TSPAN5: variants seen among roughly 807,000 people sequenced by gnomAD.
TSPAN5 encodes the protein tetraspanin 5.
In TSPAN5, 10 loss-of-function variants were observed where a neutral mutation model predicts 37.1. The observed-to-expected ratio is 0.27, with a 90% CI of 0.17 to 0.46. The LOEUF is 0.46. Ranked by LOEUF, TSPAN5 falls within the 20% of genes least tolerant of loss-of-function variation. The probability of loss-of-function intolerance (pLI) is 1.00; values close to 1 mark genes in which losing one functional copy is unlikely to be tolerated. For synonymous variants in TSPAN5, 110 were observed against 118.9 expected (o/e 0.93, Z 0.48); for missense variants, 195 against 326.6 (o/e 0.60, Z 3.11).
At chr4:98,631,936 G>A (rs187969663) in intron 1 of TSPAN5, among the ~76,000 whole-genome samples, 202 of 152,226 alleles carry the variant, frequency 1.3e-3, no homozygotes, top group Non-Finnish European at 1.6e-3. Context: ...CCCTGGCACC[G>A]TGCACACTAC....
Position 98,658,289 on chromosome 4 carries a change from C to T in TSPAN5, c.-63G>A. 1 of 1,361,368 alleles carries T rather than the reference C, an allele frequency of 7.3e-7. No homozygotes were observed. Among genetic ancestry groups the T allele is most frequent in the Non-Finnish European group, 1.1e-6 (1 of 949,826 alleles). The allele number at this position is 1,361,368 out of a possible 1,614,324, so 84.3% of individuals were successfully genotyped here. On this transcript the variant is annotated 5_prime_UTR_variant, in exon 1 of 8. Coordinates refer to ENST00000305798, the MANE Select transcript of TSPAN5 (RefSeq NM_005723.4). ...AGTTTGGAGCTCCGAAGCACCGTTG[C>T]TCGGAGCAGCCCGGCGGGGAGCAGG...
intron 1 of TSPAN5, among the ~76,000 whole-genome samples, chr4:98,577,571 C>T (rs570829846): frequency 6.6e-6 from 1 of 152,334 alleles, no homozygotes; most frequent in South Asian, 2.1e-4. Flanking sequence ...TGGACCTGTA[C>T]TGTATCAATT....
intron 1 of TSPAN5, among the ~76,000 whole-genome samples, chr4:98,599,162 A>T (rs1271951605): frequency 1.3e-5 from 2 of 152,128 alleles, no homozygotes; most frequent in Non-Finnish European, 2.9e-5. Context: ...GTTTTTAGAG[A>T]CAGGGTCTCA....
chr4:98,478,948 GAACCTAAATGGCCC>G (rs1237666798), intron 4 of TSPAN5, 138 bp from the exon 5 acceptor site: 1 of 1,018,956 alleles, frequency 9.8e-7, no homozygotes, highest in African/African-American at 1.6e-5. Flanking sequence ...AAGCCAAACT[GAACCTAAATGGCCC>G]ATATAAAATC....
At chr4:98,567,019 G>A (rs1202891863) in intron 1 of TSPAN5, among the ~76,000 whole-genome samples, 2 of 152,254 alleles carry the variant, frequency 1.3e-5, no homozygotes, top group Non-Finnish European at 2.9e-5. Context: ...AGGCTCCCGA[G>A]TAGTGCAGCT....
intron 7 of TSPAN5, among the ~76,000 whole-genome samples, chr4:98,475,973 G>C (rs1399624751): frequency 1.3e-5 from 2 of 151,924 alleles, no homozygotes; most frequent in African/African-American, 4.8e-5. Flanking sequence ...CTGGGCGACA[G>C]AGCAAGACTC....
At position 98,578,919 on chromosome 4, in the gene TSPAN5, A is replaced by T. The variant is rs1350991719; in HGVS notation, c.82-71191T>A. On this transcript the variant is annotated intron_variant, in intron 1 of 7. Transcript: ENST00000305798. ...CACCTCCCACTACACATGCCAACTG[A>T]AAGCTTCTATAGGGTAACAATGATC... 2.6e-5 allele frequency among the ~76,000 whole-genome samples: 4 copies of T among 152,254 alleles called. No homozygotes were observed. In the East Asian group the frequency reaches 7.7e-4, roughly 29 times the overall value.
intron 1 of TSPAN5, among the ~76,000 whole-genome samples, chr4:98,648,230 GA>G (rs1460887465): frequency 1.3e-5 from 2 of 152,224 alleles, no homozygotes; most frequent in Admixed American, 1.3e-4. Flanking sequence ...CTGTCATGCA[GA>G]CCTTGACGCA....
intron 1 of TSPAN5, among the ~76,000 whole-genome samples, chr4:98,590,462 G>C (rs1755597281): frequency 2.0e-5 from 3 of 152,154 alleles, no homozygotes; most frequent in African/African-American, 7.2e-5. Context: ...TGTAATCCCA[G>C]CACTTTGGGA....
chr4:98,476,849 C>T (rs1752713411), intron 5 of TSPAN5, among the ~76,000 whole-genome samples: 1 of 152,138 alleles, frequency 6.6e-6, no homozygotes, highest in South Asian at 2.1e-4. Context: ...TTTGGATGGA[C>T]TGCTACTTTT....
At chr4:98,609,202 A>C (rs1013792731) in intron 1 of TSPAN5, among the ~76,000 whole-genome samples, 17 of 152,232 alleles carry the variant, frequency 1.1e-4, no homozygotes, top group Non-Finnish European at 2.4e-4. Context: ...AATTCAACTA[A>C]GAAACCTTAA....
intron 1 of TSPAN5, among the ~76,000 whole-genome samples, chr4:98,630,263 T>C (rs990984274): frequency 8.5e-5 from 13 of 152,140 alleles, no homozygotes; most frequent in African/African-American, 2.9e-4. Flanking sequence ...CGAAAAGCAC[T>C]GCAGCTGTTC....
At chr4:98,623,198 T>C (rs1756521132) in intron 1 of TSPAN5, among the ~76,000 whole-genome samples, 1 of 152,202 alleles carries the variant, frequency 6.6e-6, no homozygotes, top group Admixed American at 6.5e-5. Context: ...CTTTTCAGAC[T>C]GGACATCAAA....
chr4:98,658,007 G>A lies in TSPAN5; in HGVS notation c.81+139C>T. 5.1e-6 allele frequency: 4 copies of A among 783,828 alleles called. No homozygotes were observed. In the Admixed American group the frequency reaches 5.5e-5, roughly 11 times the overall value. The allele number at this position is 783,828 out of a possible 1,614,324, so 48.6% of individuals were successfully genotyped here. On this transcript the variant is annotated intron_variant, in intron 1 of 7. Transcript: ENST00000305798. Reference sequence around the variant, plus strand: ...ATCTCTCCAACGCGCAAGCTGGAAAGGCGGAAGGCGAATGCCTCTATGCTG... The same window carrying A: ...ATCTCTCCAACGCGCAAGCTGGAAAAGCGGAAGGCGAATGCCTCTATGCTG...
chr4:98,470,776 A>G lies in TSPAN5; in HGVS notation c.*1746T>C, dbSNP rs888328441. The stretch of plus-strand genomic sequence containing the variant: ...AAACAGTGAACACAGTTTTGAAAAT[A>G]ATTTCCTTTTTGTCCTTTCTCTGAG... On this transcript the variant is annotated 3_prime_UTR_variant, in exon 8 of 8. Transcript: ENST00000305798. The G allele has an allele frequency of 1.3e-5, 2 of 152,232 alleles. No individual in the cohort carries two copies. Among genetic ancestry groups the G allele is most frequent in the African/African-American group, 4.8e-5 (2 of 41,438 alleles). 9.4% of individuals were successfully genotyped at this position (152,232 alleles called of 1,614,324 possible). A position where few individuals can be genotyped will look rare whatever the true frequency, so the allele number is the denominator to read the frequency against.
intron 1 of TSPAN5, among the ~76,000 whole-genome samples, chr4:98,562,489 C>A (rs1344846560): frequency 1.3e-5 from 2 of 152,044 alleles, no homozygotes. Flanking sequence ...GGTGAAACCC[C>A]ATCTCTACTA....
At chr4:98,627,169 G>C (rs1436590625) in intron 1 of TSPAN5, among the ~76,000 whole-genome samples, 1 of 152,016 alleles carries the variant, frequency 6.6e-6, no homozygotes, top group African/African-American at 2.4e-5. Context: ...ACATCAGCTG[G>C]CCTGTAATTA....
At chr4:98,592,690 GGTTT>G (rs1410991522) in intron 1 of TSPAN5, among the ~76,000 whole-genome samples, 4 of 147,396 alleles carry the variant, frequency 2.7e-5, no homozygotes, top group African/African-American at 1.0e-4. Flanking sequence ...TGCGGTGTTT[GGTTT>G]TTTTGTTCTT....
chr4:98,501,790 G>A (rs1753357081), intron 2 of TSPAN5, among the ~76,000 whole-genome samples: 1 of 152,184 alleles, frequency 6.6e-6, no homozygotes, highest in South Asian at 2.1e-4. Context: ...TGAGTGAGAA[G>A]ATAAGCTCAC....
Sources: gnomAD v4.1 joint callset for allele counts (sites outside exome capture counted in the v4.1 genomes callset) on GRCh38, gnomAD v4.1.1 for gene constraint, MANE v1.5 for transcripts, NCBI Gene and HGNC (gene_info 2026-07-23, HGNC 2026-07-21) for gene names.